Variants in ESRRG observed in about 807,000 individuals in gnomAD.
The protein encoded by ESRRG is estrogen related receptor gamma, also known as estrogen-related receptor gamma.
In ESRRG, 13 loss-of-function variants were observed where a neutral mutation model predicts 44.0. The observed-to-expected ratio is 0.30, with a 90% CI of 0.19 to 0.47. The LOEUF (loss-of-function observed/expected upper bound fraction) is 0.47, where lower values mean the gene tolerates loss of function less well. Among genes scored for constraint, ESRRG ranks in the 20% least tolerant of loss-of-function variants. The pLI is 1.00. For missense variants in ESRRG, 395 were observed against 580.6 expected, an observed-to-expected ratio of 0.68 and a Z score of 3.29; for synonymous variants, 215 against 214.6, an observed-to-expected ratio of 1.00 and a Z score of -0.02.
At chr1:216,682,216 G>T (rs1035224317) in intron 1 of ESRRG, among the ~76,000 whole-genome samples, 1 of 152,136 alleles carries the variant, frequency 6.6e-6, no homozygotes, top group African/African-American at 2.4e-5. Flanking sequence ...TTCTCATAAG[G>T]AATGTGTGTA....
At chr1:216,923,097 A>G (rs1341462264) in intron 2 of ESRRG, among the ~76,000 whole-genome samples, 1 of 152,208 alleles carries the variant, frequency 6.6e-6, no homozygotes, top group Non-Finnish European at 1.5e-5. Flanking sequence ...CTAATCCAAA[A>G]AGCAGATTAT....
At chr1:216,649,724 T>C (rs908428660) in intron 3 of ESRRG, among the ~76,000 whole-genome samples, 2 of 152,156 alleles carry the variant, frequency 1.3e-5, no homozygotes, top group African/African-American at 4.8e-5. Flanking sequence ...GTGTCTTCTT[T>C]GTTCCTATTT....
At chr1:216,918,297 CT>C (rs2061426304) in intron 2 of ESRRG, among the ~76,000 whole-genome samples, 1 of 152,036 alleles carries the variant, frequency 6.6e-6, no homozygotes, top group Admixed American at 6.6e-5. Flanking sequence ...ATGGAATCAG[CT>C]GTATGTACAC....
intron 2 of ESRRG, among the ~76,000 whole-genome samples, chr1:216,671,114 TCA>T (rs2075087611): frequency 6.6e-6 from 1 of 152,176 alleles, no homozygotes; most frequent in Admixed American, 6.5e-5. Context: ...CTCCCACACC[TCA>T]CACAGGGAAG....
At chr1:217,019,540 C>T (rs2150900488) in intron 1 of ESRRG, among the ~76,000 whole-genome samples, 1 of 152,238 alleles carries the variant, frequency 6.6e-6, no homozygotes, top group East Asian at 1.9e-4. Flanking sequence ...GACAGGAAAA[C>T]CTGCAAGGAC....
In ESRRG at chr1:217,108,739, T is replaced by A. The variant is rs185751680; in HGVS notation, c.-230+28928A>T. Among the ~76,000 whole-genome samples the A allele has an allele frequency of 2.0e-5, 3 of 151,938 alleles. No individual in the cohort carries two copies. In the East Asian group the frequency reaches 5.8e-4, roughly 29 times the overall value. ...CCATGATTGTAAGTTTCCTGAGACC[T>A]CCCCAGAAGCCAAGCAGATAGCCAG... On this transcript the variant is annotated intron_variant, in intron 1 of 8. Transcript: ENST00000366940.
At position 216,686,576 on chromosome 1, in the gene ESRRG, G is replaced by T. The variant is rs182948823; in HGVS notation, c.57-9085C>A. 3.1e-3 allele frequency among the ~76,000 whole-genome samples: 472 copies of T among 151,912 alleles called. 3 individuals are homozygous for T. The highest frequency in any genetic ancestry group is 9.5e-3 in the African/African-American group (393 of 41,440). On this transcript the variant is annotated intron_variant, in intron 1 of 6. Coordinates refer to ENST00000408911, the MANE Select transcript of ESRRG (RefSeq NM_001438.4). Reference sequence around the variant, plus strand: ...GTTTGTCACATTCAAAAGTCCAAATGCAAACATGCAGAGAAAAATTTCTAA... The same window carrying T: ...GTTTGTCACATTCAAAAGTCCAAATTCAAACATGCAGAGAAAAATTTCTAA...
At chr1:216,632,453 C>T (rs573579324) in intron 3 of ESRRG, among the ~76,000 whole-genome samples, 36 of 152,162 alleles carry the variant, frequency 2.4e-4, no homozygotes, top group African/African-American at 8.7e-4. Context: ...GCCAAAAGGA[C>T]TTATTAATTA....
At chr1:216,768,196 C>A (rs1391673900) in intron 2 of ESRRG, among the ~76,000 whole-genome samples, 1 of 152,104 alleles carries the variant, frequency 6.6e-6, no homozygotes, top group Non-Finnish European at 1.5e-5. Flanking sequence ...GAGGAATCTG[C>A]CTCTCCAAAT....
At chr1:216,826,214 C>CCCAT (rs1013031319) in intron 2 of ESRRG, among the ~76,000 whole-genome samples, 4 of 149,930 alleles carry the variant, frequency 2.7e-5, no homozygotes, top group Non-Finnish European at 5.9e-5. Flanking sequence ...CACACACACA[C>CCCAT]ACCCATAGGG....
intron 2 of ESRRG, among the ~76,000 whole-genome samples, chr1:216,835,429 G>T (rs942498735): frequency 6.6e-6 from 1 of 152,208 alleles, no homozygotes; most frequent in Non-Finnish European, 1.5e-5. Flanking sequence ...ACTCTACAGT[G>T]TATGAGTGGT....
At chr1:216,658,106 G>A (rs2071107947) in intron 2 of ESRRG, among the ~76,000 whole-genome samples, 3 of 152,092 alleles carry the variant, frequency 2.0e-5, no homozygotes. Flanking sequence ...CACACACTCT[G>A]GTTTCATCCT....
intron 1 of ESRRG, among the ~76,000 whole-genome samples, chr1:217,016,513 C>T (rs1327476791): frequency 1.3e-5 from 2 of 152,158 alleles, no homozygotes; most frequent in African/African-American, 4.8e-5. Context: ...TCTTCTCCTT[C>T]TTTCCTTCAT....
At chr1:216,851,873 A>G (rs1302203733) in intron 2 of ESRRG, among the ~76,000 whole-genome samples, 1 of 152,216 alleles carries the variant, frequency 6.6e-6, no homozygotes, top group Non-Finnish European at 1.5e-5. Flanking sequence ...AGAGTAGAAA[A>G]ATCACCCAAG....
chr1:216,794,813 T>C (rs947302456), intron 2 of ESRRG, among the ~76,000 whole-genome samples: 2 of 152,190 alleles, frequency 1.3e-5, no homozygotes, highest in Non-Finnish European at 2.9e-5. Context: ...AGCCTTTCAC[T>C]GGGAAATAAT....
At chr1:216,626,979 T>G (rs1043082011) in intron 3 of ESRRG, among the ~76,000 whole-genome samples, 3 of 152,182 alleles carry the variant, frequency 2.0e-5, no homozygotes, top group African/African-American at 7.2e-5. Context: ...AGACCTAAAG[T>G]ATAAGATAAG....
intron 1 of ESRRG, among the ~76,000 whole-genome samples, chr1:216,951,890 CAT>C (rs59850514): frequency 2.6e-4 from 39 of 149,360 alleles, no homozygotes; most frequent in Admixed American, 5.4e-4. Context: ...CATATGTTTG[CAT>C]ATATATATAT....
intron 1 of ESRRG, among the ~76,000 whole-genome samples, chr1:216,721,974 T>C (rs2086420495): frequency 6.6e-6 from 1 of 152,244 alleles, no homozygotes. Context: ...TGAGCATGGA[T>C]GTGGGTGGAT....
At chr1:216,768,186 G>T (rs2093180513) in intron 2 of ESRRG, among the ~76,000 whole-genome samples, 1 of 152,054 alleles carries the variant, frequency 6.6e-6, no homozygotes. Context: ...TTCTCAAATT[G>T]AGGAATCTGC....
Sources: gnomAD v4.1 joint callset for allele counts (sites outside exome capture counted in the v4.1 genomes callset) on GRCh38, gnomAD v4.1.1 for gene constraint, MANE v1.5 for transcripts, NCBI Gene and HGNC (gene_info 2026-07-23, HGNC 2026-07-21) for gene names.